Variants in ATG3 observed in about 807,000 individuals in gnomAD.
The protein encoded by ATG3 is autophagy related 3, also known as ubiquitin-like-conjugating enzyme ATG3.
A neutral mutation model predicts 50.7 loss-of-function variants in ATG3; 25 were observed. The ratio of observed to expected loss-of-function variants is 0.49; its 90% CI spans 0.36 to 0.69. The LOEUF (loss-of-function observed/expected upper bound fraction) is 0.69, where lower values mean the gene tolerates loss of function less well. ATG3 is among the 30% of genes least tolerant of loss of function. ATG3 has a pLI of 0.00. For missense variants in ATG3, 281 were observed against 376.0 expected (o/e 0.75, Z 2.09); for synonymous variants, 119 against 125.5 (o/e 0.95, Z 0.34).
intron 10 of ATG3, chr3:112,535,214 T>G (rs1932993016): frequency 6.6e-6 from 1 of 152,172 alleles, no homozygotes; most frequent in Non-Finnish European, 1.5e-5. Flanking sequence ...ATAATCTTCA[T>G]GACAGAGACA....
At chr3:112,544,174 C>T (rs568866189) in intron 5 of ATG3, 68 bp from the exon 6 acceptor site, 4 of 1,302,852 alleles carry the variant, frequency 3.1e-6, no homozygotes, top group Non-Finnish European at 4.3e-6. Flanking sequence ...CTTATTAAAG[C>T]AATATAAAAA....
chr3:112,553,177 A>G, intron 3 of ATG3, 103 bp downstream of exon 3: 1 of 956,474 alleles, frequency 1.0e-6, no homozygotes, highest in Admixed American at 2.0e-5. Flanking sequence ...GGAAAGTTAA[A>G]CTGGTCATTC....
Position 112,537,802 on chromosome 3 carries a change from T to A in ATG3, c.599A>T (p.Tyr200Phe). The part of the protein sequence containing the change: ...GEDAILQTRT[Y>F]DLYITYDKYY... The stretch of plus-strand genomic sequence containing the variant: ...TTTATCATAAGTGATGTAAAGGTCA[T>A]AAGTTCTGGTTTGCAAAATAGCATC... Residue 200 changes from tyrosine (Y) to phenylalanine (F), a missense_variant, in exon 9 of 12, where the codon TAT becomes TTT. By Grantham distance (22) the Tyr-to-Phe change is conservative. Around this residue, in one of 3 missense-constraint regions of ATG3, gnomAD observed 242 missense variants for 305.0 expected, o/e 0.79. Coordinates refer to ENST00000283290, the MANE Select transcript of ATG3 (RefSeq NM_022488.5). 6.2e-7 allele frequency: 1 copy of A among 1,612,622 alleles called. No homozygotes were observed. The highest frequency in any genetic ancestry group is 8.5e-7 in the Non-Finnish European group (1 of 1,179,524).
At chr3:112,556,619 T>C (rs900384193) in intron 2 of ATG3, among the ~76,000 whole-genome samples, 1 of 152,230 alleles carries the variant, frequency 6.6e-6, no homozygotes, top group African/African-American at 2.4e-5. Context: ...AGAAATCGGA[T>C]GGTTGCCATG....
chr3:112,556,575 G>C (rs1933689413), intron 2 of ATG3, among the ~76,000 whole-genome samples: 1 of 152,230 alleles, frequency 6.6e-6, no homozygotes, highest in South Asian at 2.1e-4. Context: ...CGGTTTTGTG[G>C]AATAGAAAGG....
At chr3:112,540,807 G>A (rs1409912812) in intron 7 of ATG3, among the ~76,000 whole-genome samples, 4 of 152,150 alleles carry the variant, frequency 2.6e-5, no homozygotes, top group African/African-American at 9.7e-5. Flanking sequence ...TGCAGAAAAG[G>A]TAAGTGTAAT....
intron 11 of ATG3, chr3:112,533,850 C>T (rs75796948): frequency 2.0e-5 from 20 of 991,314 alleles, no homozygotes; most frequent in Non-Finnish European, 2.4e-5. Context: ...AAGCACTTCA[C>T]GTAGTACATT....
chr3:112,533,918 T>C (rs1317405996), intron 11 of ATG3: 6 of 1,055,578 alleles, frequency 5.7e-6, no homozygotes, highest in Non-Finnish European at 6.8e-6. Context: ...CACCTCAGAT[T>C]GACACAACCT....
intron 9 of ATG3, among the ~76,000 whole-genome samples, chr3:112,537,058 G>C (rs1450673415): frequency 1.3e-5 from 2 of 150,130 alleles, no homozygotes; most frequent in African/African-American, 2.5e-5. Context: ...ATTCTAGACT[G>C]TTTAGAATGA....
chr3:112,553,610 TTAAG>T (rs1314585013), intron 2 of ATG3, among the ~76,000 whole-genome samples: 10 of 152,298 alleles, frequency 6.6e-5, no homozygotes, highest in South Asian at 4.1e-4. Context: ...TATAATTGGA[TTAAG>T]TAATGCCAAA....
Position 112,537,834 on chromosome 3 carries a change from G to A in ATG3, c.567C>T (p.Gly189=), listed in dbSNP as rs747067506. 46 of 1,612,286 alleles carry A rather than the reference G, an allele frequency of 2.9e-5. No homozygotes were observed. The highest frequency in any genetic ancestry group is 1.1e-4 in the South Asian group (10 of 90,528). The part of the protein sequence containing the change: ...VEACKAKTDA[G]GEDAILQTRT... ...TGGTTTGCAAAATAGCATCTTCACC[G>A]CCAGCATCAGTTTTGGCTTTACAAG... The change falls in exon 9 of 12, where the codon GGC becomes GGT. Residue 189 remains glycine, a synonymous_variant. Transcript: ENST00000283290.
chr3:112,543,442 T>A lies in ATG3; in HGVS notation c.393+615A>T, dbSNP rs540184568. ...TCTACCCAATTATGTTTTACCCCCA[T>A]AAATCATGCAATAAAACTTAACAGA... On this transcript the variant is annotated intron_variant, in intron 6 of 11. Transcript: ENST00000283290. Among the ~76,000 whole-genome samples the A allele has an allele frequency of 3.1e-4, 47 of 152,202 alleles. 1 individual carries two copies. The South Asian group carries it at 8.9e-3, about 29-fold the overall frequency.
chr3:112,533,588 C>T, intron 11 of ATG3: 1 of 985,308 alleles, frequency 1.0e-6, no homozygotes, highest in Non-Finnish European at 1.2e-6. Flanking sequence ...CCGAAACCAC[C>T]ACCAAGTCAA....
At chr3:112,557,177 G>A (rs1270229732) in intron 2 of ATG3, among the ~76,000 whole-genome samples, 7 of 133,160 alleles carry the variant, frequency 5.3e-5, no homozygotes, top group East Asian at 2.2e-4. Flanking sequence ...TCGTTCTGTC[G>A]CCCAGGCTGG....
chr3:112,538,323 T>C, intron 7 of ATG3, 143 bp from the exon 8 acceptor site: 2 of 624,768 alleles, frequency 3.2e-6, no homozygotes, highest in Non-Finnish European at 5.5e-6. Flanking sequence ...TAGATAGATA[T>C]AAGTGAGCTA....
At chr3:112,541,732 A>C (rs1933233769) in intron 7 of ATG3, 71 bp downstream of exon 7, 7 of 1,321,584 alleles carry the variant, frequency 5.3e-6, no homozygotes, top group African/African-American at 2.9e-5. Flanking sequence ...AAGAATTCTT[A>C]ATCCACATAA....
In ATG3 at chr3:112,546,229, T is replaced by G. The variant is rs113090709; in HGVS notation, c.344-2123A>C. 5.7e-3 allele frequency among the ~76,000 whole-genome samples: 872 copies of G among 152,322 alleles called. 12 individuals carry two copies. Among genetic ancestry groups the G allele is most frequent in the African/African-American group, 0.02 (820 of 41,560 alleles). On this transcript the variant is annotated intron_variant, in intron 5 of 11. Coordinates refer to ENST00000283290, the MANE Select transcript of ATG3 (RefSeq NM_022488.5). Reference sequence around the variant, plus strand: ...CCTATACCTATGCAATAGTCCTCACTTATCTGTGGGGAATACATTCCAAGA... The same window carrying G: ...CCTATACCTATGCAATAGTCCTCACGTATCTGTGGGGAATACATTCCAAGA...
chr3:112,548,930 G>A (rs1933448900), intron 4 of ATG3, among the ~76,000 whole-genome samples: 1 of 152,210 alleles, frequency 6.6e-6, no homozygotes, highest in South Asian at 2.1e-4. Context: ...ACAGCAGGCT[G>A]ATGTCAGAGA....
intron 5 of ATG3, among the ~76,000 whole-genome samples, chr3:112,545,357 C>G (rs1370871114): frequency 1.3e-5 from 2 of 152,100 alleles, no homozygotes; most frequent in African/African-American, 2.4e-5. Flanking sequence ...TCAATGTTAA[C>G]AAAATAGTTT....
Sources: gnomAD v4.1 joint callset for allele counts (sites outside exome capture counted in the v4.1 genomes callset) on GRCh38, gnomAD v4.1.1 for gene constraint, gnomAD v4.1.1 regional missense constraint, MANE v1.5 for transcripts, NCBI Gene and HGNC (gene_info 2026-07-23, HGNC 2026-07-21) for gene names.